Variants in TLN2 observed in about 807,000 individuals in gnomAD.
The protein encoded by TLN2 is talin-2.
In TLN2, 118 loss-of-function variants were observed where a neutral mutation model predicts 294.7. The observed-to-expected ratio is 0.40, with a 90% confidence interval of 0.34 to 0.47. TLN2 has a LOEUF of 0.47. TLN2 is among the 20% of genes least tolerant of loss of function. The pLI, the probability that TLN2 is intolerant of heterozygous loss-of-function variation, is 0.84. For missense variants in TLN2, 3,083 were observed against 3,282.2 expected, an observed-to-expected ratio of 0.94 and a Z score of 1.48; for synonymous variants, 1,431 against 1,304.5, an observed-to-expected ratio of 1.10 and a Z score of -2.09.
intron 42 of TLN2, among the ~76,000 whole-genome samples, chr15:62,773,357 C>G (rs1178085775): frequency 2.0e-5 from 3 of 151,882 alleles, no homozygotes; most frequent in Non-Finnish European, 4.4e-5. Flanking sequence ...AATTTTCTAC[C>G]AGTGTGAAGT....
At chr15:62,752,174 C>G in intron 34 of TLN2, 131 bp from the exon 35 acceptor site, 3 of 1,221,462 alleles carry the variant, frequency 2.5e-6, no homozygotes, top group Non-Finnish European at 3.5e-6. Flanking sequence ...CTTTTTAATC[C>G]AAATAAAGGA....
chr15:62,573,774 T>G (rs1368826603), intron 1 of TLN2, among the ~76,000 whole-genome samples: 1 of 98,260 alleles, frequency 1.0e-5, no homozygotes, highest in Admixed American at 1.3e-4. Context: ...TCTTCCTTTT[T>G]CTTTTTTTTT....
At chr15:62,573,269 C>T (rs2044066507) in intron 1 of TLN2, among the ~76,000 whole-genome samples, 1 of 152,168 alleles carries the variant, frequency 6.6e-6, no homozygotes, top group South Asian at 2.1e-4. Context: ...GCAGCCACCC[C>T]TGTCTTCACT....
intron 1 of TLN2, among the ~76,000 whole-genome samples, chr15:62,523,194 A>G (rs1310698613): frequency 6.6e-6 from 1 of 152,222 alleles, no homozygotes; most frequent in South Asian, 2.1e-4. Context: ...AGCCAGCAAC[A>G]AGGGGAGATA....
chr15:62,669,235 C>T (rs1046530084), intron 9 of TLN2, among the ~76,000 whole-genome samples: 1 of 152,176 alleles, frequency 6.6e-6, no homozygotes, highest in African/African-American at 2.4e-5. Context: ...AATTTTTATA[C>T]TATTTCAGCA....
At position 62,748,359 on chromosome 15, in the gene TLN2, CA is replaced by C; in HGVS notation, c.4035del (p.Glu1346ArgfsTer30). 6.2e-7 allele frequency: 1 copy of C among 1,611,358 alleles called. No homozygotes were observed. ...TTCTGTTTCTGTCACAGAGCTGTGA[CA>C]GAGAGCATCAATCAACTCATCACTC... is the stretch of plus-strand genomic sequence containing the variant. ...NLLAAAARAV[T>X]ESINQLITLC... On this transcript the variant is annotated frameshift_variant, in exon 33 of 59. Transcript: ENST00000636159. LOFTEE classifies it high-confidence loss of function.
At chr15:62,593,098 A>G (rs997597417) in intron 2 of TLN2, among the ~76,000 whole-genome samples, 1 of 152,138 alleles carries the variant, frequency 6.6e-6, no homozygotes, top group Non-Finnish European at 1.5e-5. Flanking sequence ...TCAAAGGAGG[A>G]TCTTTGCAGC....
In TLN2 at chr15:62,739,340, C is replaced by G; in HGVS notation, c.3688-8C>G. On this transcript the variant is annotated splice_region_variant and splice_polypyrimidine_tract_variant and intron_variant, in intron 30 of 58. Transcript: ENST00000636159. ...TGTCTCATGGGGTGTGCCGTCTGTTCCCCACAGCTACCTCCAAGCACGAAG... is the reference window on the plus strand; with the variant it reads ...TGTCTCATGGGGTGTGCCGTCTGTTGCCCACAGCTACCTCCAAGCACGAAG... 1.9e-6 allele frequency: 3 copies of G among 1,611,026 alleles called. No homozygotes were observed. The highest frequency in any genetic ancestry group is 2.5e-6 in the Non-Finnish European group (3 of 1,178,550).
chr15:62,408,883 C>T (rs528658104), intron 1 of TLN2, among the ~76,000 whole-genome samples: 1 of 152,174 alleles, frequency 6.6e-6, no homozygotes, highest in South Asian at 2.1e-4. Flanking sequence ...TGTTCTTGAA[C>T]TCCTGAGCTC....
intron 1 of TLN2, among the ~76,000 whole-genome samples, chr15:62,565,369 C>T (rs1009125699): frequency 6.6e-6 from 1 of 152,156 alleles, no homozygotes; most frequent in Non-Finnish European, 1.5e-5. Flanking sequence ...ACTAGACTGA[C>T]AGATGATATT....
In TLN2 at chr15:62,767,533, T is replaced by G. The variant is rs567334867; in HGVS notation, c.5196+1111T>G. On this transcript the variant is annotated intron_variant, in intron 41 of 58. Transcript: ENST00000636159. ...ATTTTTGTATTAGTAGAGACGGGGT[T>G]TCTCCGTGTTGGTCAGGCTGGTCTC... 2.0e-5 allele frequency among the ~76,000 whole-genome samples: 3 copies of G among 152,262 alleles called. No individual in the cohort carries two copies. The East Asian group carries it at 5.8e-4, about 29-fold the overall frequency.
chr15:62,426,018 A>G (rs2034686095), intron 1 of TLN2, among the ~76,000 whole-genome samples: 1 of 152,142 alleles, frequency 6.6e-6, no homozygotes, highest in African/African-American at 2.4e-5. Context: ...TGGGTGAGGG[A>G]ATGGGGAGTT....
intron 10 of TLN2, among the ~76,000 whole-genome samples, chr15:62,674,934 G>C (rs535836353): frequency 6.6e-6 from 1 of 152,320 alleles, no homozygotes; most frequent in East Asian, 1.9e-4. Context: ...TATGGACCCT[G>C]TTCCCACCAC....
chr15:62,481,297 T>C (rs1330797105), intron 1 of TLN2, among the ~76,000 whole-genome samples: 1 of 152,238 alleles, frequency 6.6e-6, no homozygotes, highest in Non-Finnish European at 1.5e-5. Context: ...ACATTTGCTT[T>C]TTGTGAGAAG....
intron 3 of TLN2, among the ~76,000 whole-genome samples, chr15:62,629,241 C>T (rs975292917): frequency 8.5e-5 from 13 of 152,154 alleles, no homozygotes; most frequent in East Asian, 5.8e-4. Context: ...TTCATTTAGG[C>T]TCTGCCACTT....
At position 62,539,036 on chromosome 15, in the gene TLN2, A is replaced by G. The variant is rs1459160954; in HGVS notation, c.-237-50651A>G. ...TTCAGTTGTGATTTGCAAAGGGAGAATACCCATGGAGTCTAAATTTCAGGG... is the reference window on the plus strand; with the variant it reads ...TTCAGTTGTGATTTGCAAAGGGAGAGTACCCATGGAGTCTAAATTTCAGGG... On this transcript the variant is annotated intron_variant, in intron 1 of 58. Transcript: ENST00000636159. Among the ~76,000 whole-genome samples, 3 of 152,190 alleles carry G rather than the reference A, an allele frequency of 2.0e-5. No homozygotes were observed. The East Asian group carries it at 5.8e-4, about 29-fold the overall frequency.
chr15:62,585,833 C>T lies in TLN2; in HGVS notation c.-237-3854C>T, dbSNP rs187060540. Among the ~76,000 whole-genome samples, 476 of 152,268 alleles carry T rather than the reference C, an allele frequency of 3.1e-3. 2 individuals carry two copies. The highest frequency in any genetic ancestry group is 0.011 in the African/African-American group (463 of 41,568). ...TGGAGACATGTTCTGTCTCAGCGTT[C>T]TCTAGGGACCTTGTTATGATCAGGC... On this transcript the variant is annotated intron_variant, in intron 1 of 58. Coordinates refer to ENST00000636159, the MANE Select transcript of TLN2 (RefSeq NM_015059.3).
intron 3 of TLN2, among the ~76,000 whole-genome samples, chr15:62,628,482 T>C (rs2049482600): frequency 1.3e-5 from 2 of 152,272 alleles, no homozygotes; most frequent in African/African-American, 4.8e-5. Flanking sequence ...AGTGGAATTA[T>C]TGTAAACATG....
chr15:62,811,947 G>C (rs1376488698), intron 52 of TLN2, among the ~76,000 whole-genome samples: 1 of 151,846 alleles, frequency 6.6e-6, no homozygotes. Flanking sequence ...AGGAGGTGGA[G>C]GTTGCAGTGA....
Sources: gnomAD v4.1 joint callset for allele counts (sites outside exome capture counted in the v4.1 genomes callset) on GRCh38, gnomAD v4.1.1 for gene constraint, MANE v1.5 for transcripts, NCBI Gene and HGNC (gene_info 2026-07-23, HGNC 2026-07-21) for gene names.